Variants in NPC2 observed in about 807,000 individuals in gnomAD.
The protein encoded by NPC2 is Niemann-Pick disease type C2 protein.
NPC2 carries 14 observed loss-of-function variants against 17.0 expected under a neutral mutation model. The observed-to-expected ratio is 0.82, with a 90% CI of 0.54 to 1.29. The LOEUF is 1.29. Ranked by LOEUF, NPC2 falls within the 50% of genes most tolerant of loss-of-function variation. The pLI, the probability that NPC2 is intolerant of heterozygous loss-of-function variation, is 0.00. For missense variants in NPC2, 167 were observed against 183.4 expected (o/e 0.91, Z 0.52); for synonymous variants, 75 against 69.3 (o/e 1.08, Z -0.41).
At chr14:74,485,476 G>C (rs2086703956) in intron 2 of NPC2, among the ~76,000 whole-genome samples, 1 of 151,766 alleles carries the variant, frequency 6.6e-6, no homozygotes, top group Non-Finnish European at 1.5e-5. Flanking sequence ...AATTGGTTCT[G>C]TTTCTTTCCT....
At chr14:74,482,687 C>T (rs1809311569) in intron 3 of NPC2, among the ~76,000 whole-genome samples, 1 of 152,206 alleles carries the variant, frequency 6.6e-6, no homozygotes, top group African/African-American at 2.4e-5. Context: ...AGACCCAGCT[C>T]AAAACCTGGG....
chr14:74,493,512 C>G, upstream of NPC2: 1 of 869,534 alleles, frequency 1.2e-6, no homozygotes, highest in Non-Finnish European at 1.7e-6. The surrounding 1 kb of genome is among the most constrained non-coding windows in gnomAD (Gnocchi z 4.1). Context: ...CCGCCCGGAC[C>G]CACCTCCGCC....
rs977912042 is a variant in NPC2, at chr14:74,482,865, G to A, written c.363+1550C>T. 49 of 422,514 alleles carry A rather than the reference G, an allele frequency of 1.2e-4. 1 individual carries two copies. Among genetic ancestry groups the A allele is most frequent in the Admixed American group, 4.5e-4 (12 of 26,610 alleles). The allele number at this position is 422,514 out of a possible 1,614,324, so 26.2% of individuals were successfully genotyped here. On this transcript the variant is annotated intron_variant, in intron 3 of 4. Transcript: ENST00000555619. The stretch of plus-strand genomic sequence containing the variant: ...GCATCAGCCGTTGCTGTGCAGAGCC[G>A]AAGCAGGAGCCGCAGCTGGGAGGAG...
At position 74,484,468 on chromosome 14, in the gene NPC2, C is replaced by A; in HGVS notation, c.310G>T (p.Asp104Tyr). Residue 104 changes from aspartate to tyrosine, a missense_variant, in exon 3 of 5, where the codon GAC (aspartate) becomes TAC (tyrosine). Transcript: ENST00000555619. ...KSGINCPIQKDKTYSYLNKLP... is the reference protein window; with the variant it reads ...KSGINCPIQKYKTYSYLNKLP... ...TTATTCAGGTAGCTATAGGTCTTGT[C>A]TTTTTGGATAGGGCAGTTAATTCCA... 1.2e-6 allele frequency: 2 copies of A among 1,614,108 alleles called. No homozygotes were observed. The highest frequency in any genetic ancestry group is 8.5e-7 in the Non-Finnish European group (1 of 1,180,020).
intron 1 of NPC2, among the ~76,000 whole-genome samples, chr14:74,491,801 T>C (rs1204678387): frequency 6.6e-6 from 1 of 152,184 alleles, no homozygotes; most frequent in Admixed American, 6.5e-5. Context: ...TAGGCTGAAC[T>C]AGTCTTGGAG....
intron 2 of NPC2, among the ~76,000 whole-genome samples, 168 bp from the exon 3 acceptor site, chr14:74,484,755 C>CAAAAAAAAAAAAAAA (rs71115996): frequency 5.9e-5 from 5 of 85,228 alleles, no homozygotes; most frequent in Non-Finnish European, 8.6e-5. Context: ...CACAATTATG[C>CAAAAAAAAAAAAAAA]AAAAAAAAAA....
intron 1 of NPC2, among the ~76,000 whole-genome samples, chr14:74,488,761 C>T (rs147199002): frequency 1.3e-5 from 2 of 152,178 alleles, no homozygotes; most frequent in Non-Finnish European, 2.9e-5. Flanking sequence ...AGCCTACTCA[C>T]TTCCGAGTAA....
chr14:74,484,728 C>G (rs1364907656), intron 2 of NPC2, 141 bp from the exon 3 acceptor site: 2 of 324,028 alleles, frequency 6.2e-6, no homozygotes, highest in Admixed American at 4.7e-5. Flanking sequence ...TAGCACAGTG[C>G]AAGCATTCAC....
intron 3 of NPC2, among the ~76,000 whole-genome samples, chr14:74,481,657 C>T (rs1157934125): frequency 6.6e-6 from 1 of 152,172 alleles, no homozygotes; most frequent in African/African-American, 2.4e-5. Context: ...AAAAGATGGC[C>T]TAGAGAAGTC....
chr14:74,481,378 C>G (rs1427390142), intron 3 of NPC2, among the ~76,000 whole-genome samples: 1 of 152,236 alleles, frequency 6.6e-6, no homozygotes, highest in Non-Finnish European at 1.5e-5. Flanking sequence ...GGTGGTGGCA[C>G]TATGCTTCAG....
intron 2 of NPC2, among the ~76,000 whole-genome samples, chr14:74,485,520 CT>C (rs1319194616): frequency 2.7e-4 from 39 of 143,268 alleles, no homozygotes; most frequent in African/African-American, 2.3e-4. Flanking sequence ...GTTCAGAAGG[CT>C]TTTTTTTTTG....
intron 1 of NPC2, among the ~76,000 whole-genome samples, chr14:74,489,002 AAAC>A (rs1457345192): frequency 1.3e-5 from 2 of 152,216 alleles, no homozygotes; most frequent in Non-Finnish European, 2.9e-5. Flanking sequence ...TTGGCTCCAA[AAAC>A]AACAGGAAGT....
chr14:74,493,502 C>A (rs958324697), upstream of NPC2: 4 of 959,824 alleles, frequency 4.2e-6, no homozygotes, highest in Non-Finnish European at 6.1e-6. The surrounding 1 kb of genome is among the most constrained non-coding windows in gnomAD (Gnocchi z 4.1). Context: ...GAGGCCTGAC[C>A]CGCCCGGACC....
At chr14:74,487,263 G>GTTTTTTTTTT (rs1208707592) in intron 1 of NPC2, among the ~76,000 whole-genome samples, 18 of 134,980 alleles carry the variant, frequency 1.3e-4, no homozygotes, top group African/African-American at 2.6e-4. Flanking sequence ...TTGTTTTTGT[G>GTTTTTTTTTT]GTTTTTTTTT....
rs372455326 is a variant in NPC2 at position 74,486,374 on chromosome 14, G to A, written c.145C>T (p.Leu49=). The A allele has an allele frequency of 3.7e-6, 6 of 1,606,008 alleles. No homozygotes were observed. The African/African-American group carries it at 5.3e-5, about 14-fold the overall frequency. ...ACGCTGTAAGACTGTCCTTTGCTCA[G>A]CTGGCAGGGTTGGGTGGGGCATGGG... The part of the protein sequence containing the change: ...VSPCPTQPCQ[L]SKGQSYSVNV... Residue 49 remains leucine, a synonymous_variant, in exon 2 of 5, where the codon CTG becomes TTG. Coordinates refer to ENST00000555619, the MANE Select transcript of NPC2 (RefSeq NM_006432.5).
At chr14:74,493,313 G>A (rs1360321432), upstream of NPC2, 3 of 1,597,500 alleles carry the variant, frequency 1.9e-6, no homozygotes, top group East Asian at 4.5e-5. This position sits in a 1 kb window ranked among gnomAD's most constrained non-coding sequence, Gnocchi z 4.1. Context: ...AAGAAGCAGC[G>A]GCCGCCCGCG....
intron 1 of NPC2, among the ~76,000 whole-genome samples, chr14:74,490,996 A>C (rs901943576): frequency 1.3e-5 from 2 of 152,156 alleles, no homozygotes; most frequent in African/African-American, 4.8e-5. Context: ...ACTGGGTGTG[A>C]GATCTTGGGC....
intron 1 of NPC2, among the ~76,000 whole-genome samples, chr14:74,487,246 C>T (rs2086722221): frequency 6.7e-6 from 1 of 148,668 alleles, no homozygotes; most frequent in Non-Finnish European, 1.5e-5. Context: ...ATTGCACCCT[C>T]CCTGTTTTGT....
intron 3 of NPC2, 35 bp downstream of exon 3, chr14:74,484,380 A>C (rs769899163): frequency 6.2e-7 from 1 of 1,612,158 alleles, no homozygotes; most frequent in Admixed American, 1.7e-5. Context: ...TCCAGTCCCA[A>C]GGCCTCCCGT....
Sources: allele counts gnomAD v4.1 joint callset (sites outside exome capture counted in the v4.1 genomes callset), GRCh38; gene constraint gnomAD v4.1.1; non-coding constraint Gnocchi (gnomAD v3.1); transcripts MANE v1.5; gene names NCBI Gene and HGNC (gene_info 2026-07-23, HGNC 2026-07-21).